The following MAGI2 variants were observed in gnomAD, a reference collection of about 807,000 sequenced individuals.
MAGI2 encodes the protein membrane associated guanylate kinase, WW and PDZ domain containing 2.
Under a neutral mutation model 133.3 loss-of-function variants are expected in MAGI2, and 35 were observed. That is an observed-to-expected ratio of 0.26 (90% CI 0.20 to 0.35). The LOEUF (loss-of-function observed/expected upper bound fraction) is 0.35, where lower values mean the gene tolerates loss of function less well. Ranked by LOEUF, MAGI2 falls within the 10% of genes least tolerant of loss-of-function variation. The pLI, the probability that MAGI2 is intolerant of heterozygous loss-of-function variation, is 1.00. For synonymous variants in MAGI2, 729 were observed against 710.6 expected (o/e 1.03, Z -0.41); for missense variants, 1,636 against 1,863.4 (o/e 0.88, Z 2.25).
intron 1 of MAGI2, among the ~76,000 whole-genome samples, chr7:79,331,738 T>C (rs1317313234): frequency 6.6e-6 from 1 of 152,170 alleles, no homozygotes; most frequent in African/African-American, 2.4e-5. Flanking sequence ...TTTTCTTCAG[T>C]ATTCTCCTTG....
intron 9 of MAGI2, among the ~76,000 whole-genome samples, chr7:78,339,750 A>G (rs1790154698): frequency 1.3e-5 from 2 of 152,182 alleles, no homozygotes; most frequent in African/African-American, 4.8e-5. Flanking sequence ...TCACCAAATG[A>G]ATGGCAGAGT....
intron 2 of MAGI2, among the ~76,000 whole-genome samples, chr7:78,735,825 C>G (rs1038222645): frequency 2.0e-5 from 3 of 152,162 alleles, no homozygotes; most frequent in Admixed American, 2.0e-4. Context: ...AATAGATTTA[C>G]TTTTAAAACA....
chr7:79,370,305 C>T (rs978728197), intron 1 of MAGI2, among the ~76,000 whole-genome samples: 5 of 152,176 alleles, frequency 3.3e-5, no homozygotes, highest in African/African-American at 1.2e-4. Flanking sequence ...GAATACCTTA[C>T]TGTATTAGAT....
chr7:78,686,765 A>G (rs1859935), intron 2 of MAGI2, among the ~76,000 whole-genome samples: 109,322 of 151,978 alleles, frequency 0.72, 39,753 homozygotes, highest in East Asian at 0.97. Flanking sequence ...TAATAAAGAA[A>G]AGAAATTAGT....
intron 10 of MAGI2, among the ~76,000 whole-genome samples, chr7:78,214,428 C>T (rs1407248523): frequency 6.6e-6 from 1 of 152,058 alleles, no homozygotes; most frequent in African/African-American, 2.4e-5. Flanking sequence ...TCTGTGAATC[C>T]CTGATACTAT....
chr7:79,417,100 T>G (rs1034744888), intron 1 of MAGI2, among the ~76,000 whole-genome samples: 2 of 152,068 alleles, frequency 1.3e-5, no homozygotes, highest in Admixed American at 6.6e-5. Flanking sequence ...TAAAGAAAAT[T>G]CACAGGCCTA....
chr7:78,019,668 C>T lies in MAGI2; in HGVS notation c.4015G>A (p.Glu1339Lys), dbSNP rs1808118157. ...EEAPGGQGRP[E>K]AGRPASEARA... is the part of the protein sequence containing the mutation. ...GCCTCCGAGGCGGGCCTGCCGGCCT[C>T]GGGCCGCCCCTGGCCGCCGGGCGCC... is the stretch of plus-strand genomic sequence containing the variant. Residue 1339 changes from glutamate to lysine, a missense_variant, in exon 22 of 22, where the codon GAG (glutamate) becomes AAG (lysine). By Grantham distance (56) the Glu-to-Lys change is moderately conservative. This residue lies in a region of MAGI2 where 354 missense variants were observed against 298.7 expected (regional missense o/e 1.19). Coordinates refer to ENST00000354212, the MANE Select transcript of MAGI2 (RefSeq NM_012301.4). 1 of 1,318,988 alleles carries T rather than the reference C, an allele frequency of 7.6e-7. No individual in the cohort carries two copies. Among genetic ancestry groups the T allele is most frequent in the Non-Finnish European group, 9.6e-7 (1 of 1,039,122 alleles). The allele number at this position is 1,318,988 out of a possible 1,614,324, so 81.7% of individuals were successfully genotyped here. A position where few individuals can be genotyped will look rare whatever the true frequency, so the allele number is the denominator to read the frequency against.
chr7:78,699,558 C>T (rs1435471419), intron 2 of MAGI2, among the ~76,000 whole-genome samples: 2 of 152,120 alleles, frequency 1.3e-5, no homozygotes, highest in African/African-American at 4.8e-5. Context: ...TTCTAAAATA[C>T]AAAAAATTCC....
At chr7:79,298,652 T>G (rs1837136541) in intron 1 of MAGI2, among the ~76,000 whole-genome samples, 1 of 152,172 alleles carries the variant, frequency 6.6e-6, no homozygotes, top group Admixed American at 6.5e-5. Context: ...TACTTGGGGC[T>G]AAATTGTGTC....
chr7:78,572,001 A>C (rs561916195), intron 3 of MAGI2, among the ~76,000 whole-genome samples: 2 of 152,332 alleles, frequency 1.3e-5, no homozygotes, highest in African/African-American at 4.8e-5. Context: ...CTTGTTTTCA[A>C]AACATTTGGA....
intron 3 of MAGI2, among the ~76,000 whole-genome samples, chr7:78,586,726 T>C (rs2150828928): frequency 6.6e-6 from 1 of 152,222 alleles, no homozygotes; most frequent in South Asian, 2.1e-4. Context: ...AAACCAGAAC[T>C]CTCCATTCTT....
intron 2 of MAGI2, among the ~76,000 whole-genome samples, chr7:78,826,457 A>C (rs1012670508): frequency 1.3e-5 from 2 of 152,148 alleles, no homozygotes; most frequent in Non-Finnish European, 2.9e-5. Flanking sequence ...TGGAAAAGGC[A>C]AACTATAAAT....
chr7:78,496,431 A>G (rs1035986965), intron 5 of MAGI2, among the ~76,000 whole-genome samples: 3 of 152,206 alleles, frequency 2.0e-5, no homozygotes, highest in South Asian at 2.1e-4. Flanking sequence ...ACTGACTCCC[A>G]AACAAAGAAG....
At chr7:78,374,467 C>T (rs749179109) in intron 6 of MAGI2, among the ~76,000 whole-genome samples, 4 of 152,074 alleles carry the variant, frequency 2.6e-5, no homozygotes, top group Non-Finnish European at 2.9e-5. Flanking sequence ...AGATTTTTGT[C>T]AGATAAATAG....
rs565620629 is a variant in MAGI2 at position 78,215,724 on chromosome 7, G to T, written c.2048-14531C>A. Among the ~76,000 whole-genome samples the T allele has an allele frequency of 2.6e-5, 4 of 152,276 alleles. No homozygotes were observed. The East Asian group carries it at 5.8e-4, about 22-fold the overall frequency. ...CCCAGCCATGGGAATGGAGGAAAAG[G>T]GGGTAGCAAGTGGGCACTGTTTTGC... On this transcript the variant is annotated intron_variant, in intron 10 of 21. Transcript: ENST00000354212.
chr7:78,607,772 G>A (rs377170390), intron 3 of MAGI2, among the ~76,000 whole-genome samples: 4 of 152,088 alleles, frequency 2.6e-5, no homozygotes, highest in African/African-American at 9.7e-5. Context: ...ACATCCTCAT[G>A]GACAATTTCA....
At chr7:78,432,238 T>A (rs1271557195) in intron 6 of MAGI2, among the ~76,000 whole-genome samples, 1 of 151,618 alleles carries the variant, frequency 6.6e-6, no homozygotes, top group East Asian at 1.9e-4. Context: ...CTAGCTTTTC[T>A]TTTTGCCAAA....
chr7:79,116,228 A>G (rs1331211653), intron 1 of MAGI2, among the ~76,000 whole-genome samples: 1 of 152,180 alleles, frequency 6.6e-6, no homozygotes, highest in Non-Finnish European at 1.5e-5. Flanking sequence ...CTTTCTTACA[A>G]GATTCCCTTA....
chr7:78,378,663 C>CCG (rs1170060003), intron 6 of MAGI2, among the ~76,000 whole-genome samples: 4 of 151,974 alleles, frequency 2.6e-5, no homozygotes, highest in African/African-American at 9.7e-5. Context: ...AATACACACA[C>CCG]CCCCCACCAT....
Sources: gnomAD v4.1 joint callset for allele counts (sites outside exome capture counted in the v4.1 genomes callset) on GRCh38, gnomAD v4.1.1 for gene constraint, gnomAD v4.1.1 regional missense constraint, MANE v1.5 for transcripts, NCBI Gene and HGNC (gene_info 2026-07-23, HGNC 2026-07-21) for gene names.